Variants in SEMA3A observed in about 807,000 individuals in gnomAD.
The protein encoded by SEMA3A is semaphorin 3A.
Under a neutral mutation model 97.9 loss-of-function variants are expected in SEMA3A, and 29 were observed. That is an observed-to-expected ratio of 0.30 (90% CI 0.22 to 0.40). The LOEUF is 0.40. Among genes scored for constraint, SEMA3A ranks in the 10% least tolerant of loss-of-function variants. The pLI, the probability that SEMA3A is intolerant of heterozygous loss-of-function variation, is 1.00. For synonymous variants in SEMA3A, 321 were observed against 323.7 expected, an observed-to-expected ratio of 0.99 and a Z score of 0.09; for missense variants, 763 against 951.3, an observed-to-expected ratio of 0.80 and a Z score of 2.60.
chr7:83,988,367 C>G (rs1222830264), intron 12 of SEMA3A, among the ~76,000 whole-genome samples: 1 of 151,990 alleles, frequency 6.6e-6, no homozygotes, highest in Admixed American at 6.6e-5. Flanking sequence ...GCTGGGACTA[C>G]AGGCGCCCAC....
chr7:84,150,493 G>A (rs1169646682), intron 1 of SEMA3A, among the ~76,000 whole-genome samples: 4 of 152,172 alleles, frequency 2.6e-5, no homozygotes, highest in Admixed American at 6.5e-5. Flanking sequence ...GGCACCTGGA[G>A]AATCGGGTCA....
intron 2 of SEMA3A, among the ~76,000 whole-genome samples, chr7:84,313,356 G>GTGTGTA (rs1247157469): frequency 4.3e-5 from 1 of 23,062 alleles, no homozygotes; most frequent in South Asian, 1.5e-3. Context: ...ATGTGTGTGT[G>GTGTGTA]TATATATATA....
At chr7:84,444,208 C>T (rs1433608054) in intron 1 of SEMA3A, among the ~76,000 whole-genome samples, 1 of 152,066 alleles carries the variant, frequency 6.6e-6, no homozygotes, top group Non-Finnish European at 1.5e-5. Context: ...TCTTCAGAAT[C>T]ATACTGGTAA....
At chr7:84,471,479 T>A (rs1429809495) in intron 1 of SEMA3A, among the ~76,000 whole-genome samples, 1 of 152,106 alleles carries the variant, frequency 6.6e-6, no homozygotes, top group Non-Finnish European at 1.5e-5. Context: ...ATGTAATACA[T>A]CTTGTCTTTC....
At chr7:84,049,873 C>A (rs1357573153) in intron 5 of SEMA3A, among the ~76,000 whole-genome samples, 2 of 115,080 alleles carry the variant, frequency 1.7e-5, no homozygotes, top group Non-Finnish European at 3.4e-5. Context: ...CCTCCCCCCA[C>A]CCCACCACAG....
intron 1 of SEMA3A, among the ~76,000 whole-genome samples, chr7:84,490,833 C>T (rs140600936): frequency 5.7e-4 from 86 of 152,196 alleles, no homozygotes; most frequent in African/African-American, 2.0e-3. Flanking sequence ...GTCATTGACA[C>T]GGTTACGGCA....
At chr7:84,443,670 G>A (rs1805331290) in intron 1 of SEMA3A, among the ~76,000 whole-genome samples, 1 of 152,100 alleles carries the variant, frequency 6.6e-6, no homozygotes, top group African/African-American at 2.4e-5. Context: ...AGCTTTCATG[G>A]TTGTTTTCCT....
chr7:84,364,128 A>G (rs897618150), intron 2 of SEMA3A, among the ~76,000 whole-genome samples: 1 of 151,712 alleles, frequency 6.6e-6, no homozygotes, highest in Non-Finnish European at 1.5e-5. Flanking sequence ...ATGACATAAT[A>G]AATATATATT....
chr7:84,003,976 A>G (rs1191630897), intron 11 of SEMA3A, among the ~76,000 whole-genome samples: 7 of 152,260 alleles, frequency 4.6e-5, no homozygotes, highest in African/African-American at 1.7e-4. Context: ...ACCTGATAAC[A>G]TAAGTATTTC....
chr7:84,016,462 C>T (rs912028915), intron 6 of SEMA3A, among the ~76,000 whole-genome samples: 4 of 151,096 alleles, frequency 2.6e-5, no homozygotes, highest in East Asian at 2.0e-4. Flanking sequence ...GGCATTAACC[C>T]GGGAGGCGGA....
rs189412803 is a variant in SEMA3A, at chr7:84,316,762, T to C, written c.-168-9470A>G. On this transcript the variant is annotated intron_variant, in intron 2 of 3. Transcript: ENST00000424555. The stretch of plus-strand genomic sequence containing the variant: ...TATAATCCAGAAGCAGATTTTTTTT[T>C]CCAAAACTGTTAGTGGTCCAAGAAA... Among the ~76,000 whole-genome samples, 260 of 152,232 alleles carry C rather than the reference T, an allele frequency of 1.7e-3. 3 individuals are homozygous for C. Among genetic ancestry groups the C allele is most frequent in the Admixed American group, 5.1e-3 (78 of 15,292 alleles).
intron 4 of SEMA3A, among the ~76,000 whole-genome samples, chr7:84,093,594 CA>C (rs1235526477): frequency 1.3e-5 from 2 of 152,014 alleles, no homozygotes; most frequent in Non-Finnish European, 1.5e-5. Context: ...TATATATATA[CA>C]TTATAAAATA....
chr7:84,346,754 T>C (rs1246382826), intron 2 of SEMA3A, among the ~76,000 whole-genome samples: 2 of 152,194 alleles, frequency 1.3e-5, no homozygotes, highest in African/African-American at 4.8e-5. Flanking sequence ...GGAAAAACTT[T>C]AAAATAATTC....
chr7:84,272,478 T>C (rs1400703719), intron 3 of SEMA3A, among the ~76,000 whole-genome samples: 1 of 152,036 alleles, frequency 6.6e-6, no homozygotes, highest in African/African-American at 2.4e-5. Context: ...AAAAAATTTG[T>C]TTTTCTATTC....
intron 3 of SEMA3A, among the ~76,000 whole-genome samples, chr7:84,230,472 A>G (rs1053745143): frequency 6.6e-6 from 1 of 152,014 alleles, no homozygotes; most frequent in Non-Finnish European, 1.5e-5. Context: ...GTTCAATTTA[A>G]TATTATGCTA....
chr7:84,381,407 G>T (rs1264881163), intron 1 of SEMA3A, among the ~76,000 whole-genome samples: 2 of 152,120 alleles, frequency 1.3e-5, no homozygotes, highest in Non-Finnish European at 2.9e-5. Context: ...TTACAGATGG[G>T]AAAACAGGTG....
At chr7:84,201,242 T>C (rs954584291) in intron 3 of SEMA3A, among the ~76,000 whole-genome samples, 4 of 152,064 alleles carry the variant, frequency 2.6e-5, no homozygotes, top group Non-Finnish European at 4.4e-5. Flanking sequence ...TTCTTTGTCT[T>C]AAATGTTTTT....
intron 3 of SEMA3A, among the ~76,000 whole-genome samples, chr7:84,286,425 T>C (rs1203272831): frequency 6.6e-6 from 1 of 152,194 alleles, no homozygotes; most frequent in East Asian, 1.9e-4. Context: ...TTGCTGACAA[T>C]GTTGTATCTA....
chr7:83,969,918 G>T (rs1788851771), intron 15 of SEMA3A, among the ~76,000 whole-genome samples: 1 of 151,926 alleles, frequency 6.6e-6, no homozygotes, highest in African/African-American at 2.4e-5. Context: ...TAATTTTGTG[G>T]GCTTCCAGAA....
Sources: gnomAD v4.1 joint callset for allele counts (sites outside exome capture counted in the v4.1 genomes callset) on GRCh38, gnomAD v4.1.1 for gene constraint, MANE v1.5 for transcripts, NCBI Gene and HGNC (gene_info 2026-07-23, HGNC 2026-07-21) for gene names.